PATJ: variants seen among roughly 807,000 people sequenced by gnomAD.
PATJ encodes the protein inaD-like protein.
A neutral mutation model predicts 224.9 loss-of-function variants in PATJ; 190 were observed. The observed-to-expected ratio is 0.84, with a 90% CI of 0.75 to 0.95. The LOEUF is 0.95. PATJ is among the 40% of genes least tolerant of loss of function. PATJ has a pLI of 0.00. For synonymous variants in PATJ, 769 were observed against 820.3 expected (o/e 0.94, Z 1.07); for missense variants, 2,121 against 2,270.3 (o/e 0.93, Z 1.34).
intron 33 of PATJ, among the ~76,000 whole-genome samples, chr1:62,098,469 C>T (rs1201767689): frequency 1.3e-5 from 2 of 152,088 alleles, no homozygotes; most frequent in African/African-American, 4.8e-5. Flanking sequence ...GTGGTGTGCA[C>T]CTGTAATCCC....
intron 41 of PATJ, among the ~76,000 whole-genome samples, chr1:62,136,319 G>A (rs562985724): frequency 4.0e-5 from 6 of 151,864 alleles, no homozygotes; most frequent in South Asian, 2.1e-4. Context: ...GGTGTGAGCC[G>A]CCACGCCCAG....
chr1:61,838,400 G>A (rs542205822), intron 17 of PATJ, among the ~76,000 whole-genome samples: 1 of 151,586 alleles, frequency 6.6e-6, no homozygotes, highest in Admixed American at 6.6e-5. Context: ...AGTCGCCCAG[G>A]CTGGAGTGCA....
intron 27 of PATJ, among the ~76,000 whole-genome samples, chr1:61,931,057 T>C (rs1284630177): frequency 6.6e-6 from 1 of 152,176 alleles, no homozygotes; most frequent in Admixed American, 6.5e-5. Flanking sequence ...CCCAGTCTGG[T>C]CTCAAACTCC....
chr1:61,948,006 G>A (rs1557924440), intron 27 of PATJ, among the ~76,000 whole-genome samples: 1 of 152,176 alleles, frequency 6.6e-6, no homozygotes, highest in Non-Finnish European at 1.5e-5. Flanking sequence ...AAACTGGCTA[G>A]CCATATGTAG....
At chr1:62,128,527 T>C (rs1665952076) in intron 40 of PATJ, 1 of 311,090 alleles carries the variant, frequency 3.2e-6, no homozygotes, top group Non-Finnish European at 6.0e-6. Flanking sequence ...AGAACTTTAT[T>C]GAACGGTTGA....
At chr1:61,749,480 A>G (rs1396279577) in intron 1 of PATJ, among the ~76,000 whole-genome samples, 4 of 152,178 alleles carry the variant, frequency 2.6e-5, no homozygotes, top group African/African-American at 9.6e-5. Context: ...TCAACTGGCA[A>G]AAAGTTGATT....
chr1:61,843,631 G>A (rs1216764159), intron 17 of PATJ, among the ~76,000 whole-genome samples: 1 of 151,408 alleles, frequency 6.6e-6, no homozygotes, highest in East Asian at 1.9e-4. Context: ...AGCTACTCGG[G>A]AGGCTTGAGT....
At chr1:61,984,161 A>AT (rs760341540) in intron 27 of PATJ, among the ~76,000 whole-genome samples, 2,057 of 129,570 alleles carry the variant, frequency 0.016, 64 homozygotes, top group Admixed American at 0.074. Flanking sequence ...TATTATTATT[A>AT]TTATTTTTTT....
intron 33 of PATJ, among the ~76,000 whole-genome samples, chr1:62,087,346 CAACT>C (rs1459901370): frequency 1.3e-5 from 2 of 151,898 alleles, no homozygotes; most frequent in African/African-American, 2.4e-5. Flanking sequence ...TCTCCTCTAC[CAACT>C]GAGTCTGAGA....
At chr1:61,799,440 C>T (rs1010265611) in intron 11 of PATJ, among the ~76,000 whole-genome samples, 4 of 152,190 alleles carry the variant, frequency 2.6e-5, no homozygotes, top group Non-Finnish European at 5.9e-5. Context: ...CGTGATCCAC[C>T]TGCCTTGGCC....
At chr1:61,894,388 C>G (rs1670068028) in intron 22 of PATJ, among the ~76,000 whole-genome samples, 1 of 152,066 alleles carries the variant, frequency 6.6e-6, no homozygotes, top group Non-Finnish European at 1.5e-5. Context: ...GTGTCTCTAC[C>G]CAAATCTCAT....
Position 61,864,471 on chromosome 1 carries a change from G to T in PATJ, c.2673G>T (p.Leu891Phe), listed in dbSNP as rs1158814059. The change falls in exon 20 of 44, where the codon TTG becomes TTT. Residue 891 changes from leucine (L) to phenylalanine (F), a missense_variant. Transcript: ENST00000642238. ...DPSPSMELYP[L>F]SHIQEATPVP... The stretch of plus-strand genomic sequence containing the variant: ...CACCATCCATGGAGTTGTATCCCTT[G>T]TCGCACATTCAAGAGGCCACTCCTG... The T allele has an allele frequency of 1.2e-6, 2 of 1,614,124 alleles. No individual in the cohort carries two copies. Among genetic ancestry groups the T allele is most frequent in the South Asian group, 1.1e-5 (1 of 91,084 alleles).
At chr1:61,992,945 G>A (rs1645151535) in intron 28 of PATJ, among the ~76,000 whole-genome samples, 1 of 152,202 alleles carries the variant, frequency 6.6e-6, no homozygotes. Context: ...CATCAAGTGT[G>A]TGAAGACTAT....
intron 29 of PATJ, among the ~76,000 whole-genome samples, chr1:62,037,269 A>T (rs979159397): frequency 6.6e-6 from 1 of 152,266 alleles, no homozygotes; most frequent in Middle Eastern, 3.4e-3. Context: ...GATAGTCATT[A>T]TCTCCCACAG....
intron 41 of PATJ, 123 bp downstream of exon 41, chr1:62,129,068 G>A: frequency 7.2e-6 from 4 of 559,036 alleles, no homozygotes; most frequent in East Asian, 2.7e-5. Flanking sequence ...AATTACGAAG[G>A]TTGAAAGCAA....
At chr1:62,053,412 G>A (rs1653989600) in intron 31 of PATJ, among the ~76,000 whole-genome samples, 1 of 152,148 alleles carries the variant, frequency 6.6e-6, no homozygotes. Context: ...AAATGGCCTG[G>A]CATAAAGTAT....
intron 24 of PATJ, among the ~76,000 whole-genome samples, chr1:61,902,492 T>C (rs1671318624): frequency 6.6e-6 from 1 of 152,170 alleles, no homozygotes; most frequent in Non-Finnish European, 1.5e-5. Flanking sequence ...TCATTAGACC[T>C]ACTTATTTTC....
chr1:61,991,837 A>G (rs539821884), intron 28 of PATJ: 1 of 632,114 alleles, frequency 1.6e-6, no homozygotes, highest in African/African-American at 2.0e-5. Context: ...CAGAGATGAG[A>G]CAAAAGTGAT....
At chr1:62,002,882 T>C (rs1382572925) in intron 28 of PATJ, among the ~76,000 whole-genome samples, 2 of 152,096 alleles carry the variant, frequency 1.3e-5, no homozygotes, top group Non-Finnish European at 2.9e-5. Context: ...ACAGAGAGAA[T>C]TGAGGTGGGG....
Sources: gnomAD v4.1 joint callset for allele counts (sites outside exome capture counted in the v4.1 genomes callset) on GRCh38, gnomAD v4.1.1 for gene constraint, MANE v1.5 for transcripts, NCBI Gene and HGNC (gene_info 2026-07-23, HGNC 2026-07-21) for gene names.